The following PCSK5 variants were observed in gnomAD, a reference collection of about 807,000 sequenced individuals.
PCSK5 encodes prohormone convertase 5.
PCSK5 carries 129 observed loss-of-function variants against 233.2 expected under a neutral mutation model. The ratio of observed to expected loss-of-function variants is 0.55; its 90% confidence interval spans 0.48 to 0.64. The LOEUF is 0.64. Among genes scored for constraint, PCSK5 ranks in the 30% least tolerant of loss-of-function variants. The pLI is 0.00. For synonymous variants in PCSK5, 825 were observed against 879.2 expected, an observed-to-expected ratio of 0.94 and a Z score of 1.09; for missense variants, 2,076 against 2,430.1, an observed-to-expected ratio of 0.85 and a Z score of 3.06.
Position 76,351,422 on chromosome 9 carries a change from G to GCC in PCSK5, c.5067+501_5067+502dup, listed in dbSNP as rs201247391. On this transcript the variant is annotated intron_variant, in intron 36 of 37. Transcript: ENST00000674117. ...GAATTTCTGGTTTCTACCAGAAACCGCCCCCCCCTGCAATGTGAAAGAAAG... is the reference window on the plus strand; with the variant it reads ...GAATTTCTGGTTTCTACCAGAAACCGCCCCCCCCCCTGCAATGTGAAAGAAAG... Among the ~76,000 whole-genome samples, 13 of 97,100 alleles carry GCC rather than the reference G, an allele frequency of 1.3e-4. 2 individuals are homozygous for GCC. Among genetic ancestry groups the GCC allele is most frequent in the East Asian group, 8.2e-4 (3 of 3,656 alleles). The allele number at this position is 97,100 out of a possible 152,430, so 63.7% of individuals were successfully genotyped here. A position where few individuals can be genotyped will look rare whatever the true frequency, so the allele number is the denominator to read the frequency against.
intron 15 of PCSK5, among the ~76,000 whole-genome samples, chr9:76,180,050 T>C (rs1229835354): frequency 6.9e-6 from 1 of 145,818 alleles, no homozygotes; most frequent in Non-Finnish European, 1.5e-5. Context: ...GTATTTATAA[T>C]GCATAACATG....
rs142289604 is a variant in PCSK5 at position 76,268,436 on chromosome 9, A to C, written c.3143-23797A>C. On this transcript the variant is annotated intron_variant, in intron 24 of 37. Coordinates refer to ENST00000674117, the MANE Select transcript of PCSK5 (RefSeq NM_001372043.1). ...TGTTTGTTGACTGGTGGTGGCCCAC[A>C]TGGATTTGTATGGTTCTCAGTCATA... Among the ~76,000 whole-genome samples, 671 of 152,298 alleles carry C rather than the reference A, an allele frequency of 4.4e-3. 3 individuals carry two copies. Among genetic ancestry groups the C allele is most frequent in the African/African-American group, 0.015 (610 of 41,548 alleles).
intron 1 of PCSK5, among the ~76,000 whole-genome samples, chr9:75,899,710 A>G (rs1166635579): frequency 6.6e-6 from 1 of 152,226 alleles, no homozygotes; most frequent in Non-Finnish European, 1.5e-5. Context: ...GGAAAGAAGT[A>G]TAAATTAGCA....
At chr9:76,253,506 A>C (rs568987584) in intron 24 of PCSK5, among the ~76,000 whole-genome samples, 1 of 152,338 alleles carries the variant, frequency 6.6e-6, no homozygotes, top group South Asian at 2.1e-4. Flanking sequence ...ACAAAGTTGG[A>C]AGAACTTGCA....
chr9:75,998,035 A>G (rs754974706), intron 3 of PCSK5, among the ~76,000 whole-genome samples: 1 of 152,210 alleles, frequency 6.6e-6, no homozygotes, highest in South Asian at 2.1e-4. Context: ...ATGGTCAGGT[A>G]GCACAGAACT....
At chr9:76,060,937 C>G (rs963246432) in intron 5 of PCSK5, among the ~76,000 whole-genome samples, 1 of 152,036 alleles carries the variant, frequency 6.6e-6, no homozygotes, top group Admixed American at 6.6e-5. Flanking sequence ...TCAAAAAAGA[C>G]CAAGTTATAT....
chr9:76,103,597 T>C (rs1328330539), intron 8 of PCSK5, among the ~76,000 whole-genome samples: 1 of 152,134 alleles, frequency 6.6e-6, no homozygotes, highest in East Asian at 1.9e-4. Flanking sequence ...TTCATCTTAG[T>C]GGAGGCTGTC....
At chr9:75,950,746 T>C (rs1824817940) in intron 2 of PCSK5, among the ~76,000 whole-genome samples, 1 of 152,158 alleles carries the variant, frequency 6.6e-6, no homozygotes, top group African/African-American at 2.4e-5. Flanking sequence ...TGACAAATTG[T>C]AAAGACCATC....
intron 6 of PCSK5, among the ~76,000 whole-genome samples, chr9:76,070,780 G>A (rs1830455156): frequency 6.6e-6 from 1 of 151,840 alleles, no homozygotes; most frequent in African/African-American, 2.4e-5. Flanking sequence ...GTTTGATGTG[G>A]GTTTTTATTA....
At chr9:76,273,487 G>A (rs1827590562) in intron 24 of PCSK5, among the ~76,000 whole-genome samples, 1 of 150,180 alleles carries the variant, frequency 6.7e-6, no homozygotes, top group African/African-American at 2.5e-5. Flanking sequence ...CACTCTCCCT[G>A]GGCTAACAGC....
chr9:76,244,675 CT>C (rs1826532919), intron 24 of PCSK5, among the ~76,000 whole-genome samples: 1 of 149,758 alleles, frequency 6.7e-6, no homozygotes, highest in Non-Finnish European at 1.5e-5. Flanking sequence ...TAACTAGAAT[CT>C]CATCTATTTC....
intron 31 of PCSK5, 31 bp from the exon 32 acceptor site, chr9:76,323,021 G>A (rs1587327625): frequency 8.1e-7 from 1 of 1,241,666 alleles, no homozygotes; most frequent in South Asian, 1.3e-5. Context: ...CTACCCCCCG[G>A]GGATAACTTG....
At chr9:76,138,408 C>T (rs1339246) in intron 10 of PCSK5, among the ~76,000 whole-genome samples, 132,412 of 152,034 alleles carry the variant, frequency 0.87, 57,819 homozygotes, top group East Asian at 1. Flanking sequence ...GCATATAGTA[C>T]ATGCAGATCC....
chr9:75,999,539 AG>A (rs1563964220), intron 3 of PCSK5, among the ~76,000 whole-genome samples: 1 of 152,260 alleles, frequency 6.6e-6, no homozygotes, highest in Non-Finnish European at 1.5e-5. Flanking sequence ...AGGTTGGGCT[AG>A]TTAATTGCAG....
At chr9:76,193,666 A>ATGAT in intron 20 of PCSK5, 1 of 220,568 alleles carries the variant, frequency 4.5e-6, no homozygotes, top group East Asian at 9.9e-5. Flanking sequence ...CGTTAAAGTA[A>ATGAT]TGATTTGATT....
At chr9:75,976,586 G>A (rs1048137228) in intron 2 of PCSK5, among the ~76,000 whole-genome samples, 30 of 151,380 alleles carry the variant, frequency 2.0e-4, no homozygotes, top group African/African-American at 7.3e-4. Context: ...TTTCCTGCAA[G>A]GATAAAGTAA....
chr9:75,890,685 C>A lies in PCSK5; in HGVS notation c.-497C>A, dbSNP rs1443847362. On this transcript the variant is annotated 5_prime_UTR_variant, in exon 1 of 38. Coordinates refer to ENST00000674117, the MANE Select transcript of PCSK5 (RefSeq NM_001372043.1). The stretch of plus-strand genomic sequence containing the variant: ...AGCTGCTGCCATTGCCACTCAGAAT[C>A]CTCGCGCGCTGCTCGGAGCCGGAGG... 3.9e-5 allele frequency: 6 copies of A among 154,986 alleles called. No individual in the cohort carries two copies. The highest frequency in any genetic ancestry group is 1.4e-5 in the Non-Finnish European group (1 of 69,770). The allele number at this position is 154,986 out of a possible 1,614,324, so 9.6% of individuals were successfully genotyped here. A position where few individuals can be genotyped will look rare whatever the true frequency, so the allele number is the denominator to read the frequency against.
At chr9:76,182,231 C>G (rs1394068603) in intron 16 of PCSK5, among the ~76,000 whole-genome samples, 1 of 152,214 alleles carries the variant, frequency 6.6e-6, no homozygotes, top group African/African-American at 2.4e-5. Context: ...GGACAACATT[C>G]AGGCTGCTCT....
chr9:76,058,779 T>C (rs1377552744), intron 5 of PCSK5, among the ~76,000 whole-genome samples: 2 of 152,196 alleles, frequency 1.3e-5, no homozygotes, highest in African/African-American at 4.8e-5. Flanking sequence ...GTTTAAAGAA[T>C]ATTTTTAAAG....
Sources: allele counts gnomAD v4.1 joint callset (sites outside exome capture counted in the v4.1 genomes callset), GRCh38; gene constraint gnomAD v4.1.1; transcripts MANE v1.5; gene names NCBI Gene and HGNC (gene_info 2026-07-23, HGNC 2026-07-21).